Variants in PPIL1 observed in about 807,000 individuals in gnomAD.
PPIL1 encodes the protein peptidylprolyl isomerase like 1.
Under a neutral mutation model 19.4 loss-of-function variants are expected in PPIL1, and 14 were observed. The observed-to-expected ratio is 0.72, with a 90% confidence interval of 0.48 to 1.13. The LOEUF is 1.13. PPIL1 is among the 50% of genes most tolerant of loss of function. PPIL1 has a pLI of 0.00. For synonymous variants in PPIL1, 72 were observed against 73.6 expected (o/e 0.98, Z 0.11); for missense variants, 192 against 218.0 (o/e 0.88, Z 0.75).
chr6:36,872,152 G>GTA (rs1046353261), intron 1 of PPIL1, among the ~76,000 whole-genome samples: 32 of 151,322 alleles, frequency 2.1e-4, no homozygotes, highest in African/African-American at 3.9e-4. Context: ...ATATACATAT[G>GTA]TATATATATA....
At position 36,855,774 on chromosome 6, in the gene PPIL1, G is replaced by A. The variant is rs751632638; in HGVS notation, c.*39C>T. The A allele has an allele frequency of 6.9e-6, 11 of 1,591,564 alleles. No homozygotes were observed. Among genetic ancestry groups the A allele is most frequent in the Non-Finnish European group, 6.9e-6 (8 of 1,159,892 alleles). ...TATGTCATCTAGAAGCTGGTTCACT[G>A]GGGCCATCTCAGAAGAGCTGCTCAA... On this transcript the variant is annotated 3_prime_UTR_variant, in exon 4 of 4. Coordinates refer to ENST00000373699, the MANE Select transcript of PPIL1 (RefSeq NM_016059.5).
intron 2 of PPIL1, among the ~76,000 whole-genome samples, chr6:36,870,746 G>A (rs1026519916): frequency 2.0e-5 from 3 of 151,948 alleles, no homozygotes; most frequent in Admixed American, 2.0e-4. Flanking sequence ...TCAGCCTCCC[G>A]ACTAAGAACC....
chr6:36,870,251 GAGA>G (rs1341696259), intron 2 of PPIL1, among the ~76,000 whole-genome samples: 2 of 152,188 alleles, frequency 1.3e-5, no homozygotes, highest in African/African-American at 4.8e-5. Context: ...GAAATTAGCA[GAGA>G]AGAAGCAGAC....
chr6:36,858,206 C>G lies in PPIL1; in HGVS notation c.212-1552G>C, dbSNP rs1448020869. Among the ~76,000 whole-genome samples, 8 of 138,040 alleles carry G rather than the reference C, an allele frequency of 5.8e-5. No individual in the cohort carries two copies. In the Admixed American group the frequency reaches 6.4e-4, roughly 11 times the overall value. The allele number at this position is 138,040 out of a possible 152,430, so 90.6% of individuals were successfully genotyped here. ...CCGAGATCATGCCATTGCACTCCAG[C>G]CTGGGCGACAGAGCAAGACTGTCTC... On this transcript the variant is annotated intron_variant, in intron 2 of 3. Transcript: ENST00000373699.
At chr6:36,866,107 A>T (rs1362391221) in intron 2 of PPIL1, among the ~76,000 whole-genome samples, 2 of 152,250 alleles carry the variant, frequency 1.3e-5, no homozygotes, top group Non-Finnish European at 2.9e-5. Context: ...TATGTCTTAC[A>T]GAGAGGACAG....
chr6:36,862,403 C>G (rs1270247412), intron 2 of PPIL1, among the ~76,000 whole-genome samples: 4 of 152,246 alleles, frequency 2.6e-5, no homozygotes, highest in African/African-American at 4.8e-5. Context: ...AAGGCAGGTG[C>G]TGACAAGTCC....
At chr6:36,868,630 G>A (rs1774440299) in intron 2 of PPIL1, among the ~76,000 whole-genome samples, 1 of 152,174 alleles carries the variant, frequency 6.6e-6, no homozygotes, top group Admixed American at 6.5e-5. Context: ...TTAGGCCCAG[G>A]AGTTTGAGAC....
chr6:36,874,129 A>G (rs1337687765), intron 1 of PPIL1, among the ~76,000 whole-genome samples: 1 of 152,188 alleles, frequency 6.6e-6, no homozygotes, highest in South Asian at 2.1e-4. Flanking sequence ...TCCTCCTGCT[A>G]ATATTGAAAG....
At chr6:36,860,274 T>A (rs1179742758) in intron 2 of PPIL1, among the ~76,000 whole-genome samples, 2 of 151,950 alleles carry the variant, frequency 1.3e-5, no homozygotes, top group African/African-American at 4.8e-5. Context: ...GAGACCAGCC[T>A]AAGCAACATG....
chr6:36,856,729 T>C, intron 2 of PPIL1, 75 bp from the exon 3 acceptor site: 7 of 1,368,412 alleles, frequency 5.1e-6, no homozygotes, highest in Non-Finnish European at 7.3e-6. Flanking sequence ...TGGCCCAGGG[T>C]CAAAGGATTT....
intron 2 of PPIL1, among the ~76,000 whole-genome samples, chr6:36,859,845 T>TGTGTGTGTGTGTGTGTG (rs1424096492): frequency 9.8e-6 from 1 of 102,088 alleles, no homozygotes; most frequent in East Asian, 3.3e-4. Context: ...GTGTGTGTGT[T>TGTGTGTGTGTGTGTGTG]TTGAGACAGA....
rs139829131 is a variant in PPIL1 at position 36,859,752 on chromosome 6, T to C, written c.212-3098A>G. 3.4e-4 allele frequency among the ~76,000 whole-genome samples: 51 copies of C among 152,032 alleles called. 1 individual carries two copies. Among genetic ancestry groups the C allele is most frequent in the Middle Eastern group, 3.4e-3 (1 of 294 alleles). On this transcript the variant is annotated intron_variant, in intron 2 of 3. Coordinates refer to ENST00000373699, the MANE Select transcript of PPIL1 (RefSeq NM_016059.5). ...TAGAAAGCCAACAATTTGGAAGCTT[T>C]GCAGGTTCTGTGCCTGGTCTAGCAC...
chr6:36,871,166 C>T (rs1774501374), intron 2 of PPIL1, among the ~76,000 whole-genome samples: 1 of 152,196 alleles, frequency 6.6e-6, no homozygotes, highest in Non-Finnish European at 1.5e-5. Context: ...CAGATCTCTT[C>T]TCCAATAATG....
At chr6:36,871,974 C>A (rs1490793950) in intron 1 of PPIL1, 102 bp from the exon 2 acceptor site, 2 of 1,123,782 alleles carry the variant, frequency 1.8e-6, no homozygotes, top group East Asian at 6.2e-5. Flanking sequence ...GCTTGTAAGT[C>A]ATGAAATTGT....
At chr6:36,874,603 C>T in intron 1 of PPIL1, 114 bp downstream of exon 1, 1 of 1,390,148 alleles carries the variant, frequency 7.2e-7, no homozygotes, top group Non-Finnish European at 1.0e-6. Context: ...CGCTGCTCCA[C>T]GCCCCTCCAC....
chr6:36,858,007 A>T (rs1774202193), intron 2 of PPIL1, among the ~76,000 whole-genome samples: 2 of 152,028 alleles, frequency 1.3e-5, no homozygotes, highest in South Asian at 4.1e-4. Flanking sequence ...AGGCAGGTGG[A>T]TCACGAGGTC....
Position 36,859,211 on chromosome 6 carries a change from G to A in PPIL1, c.212-2557C>T, listed in dbSNP as rs147458540. Among the ~76,000 whole-genome samples, 700 of 152,220 alleles carry A rather than the reference G, an allele frequency of 4.6e-3. 11 individuals carry two copies. The highest frequency in any genetic ancestry group is 0.016 in the African/African-American group (656 of 41,522). On this transcript the variant is annotated intron_variant, in intron 2 of 3. Coordinates refer to ENST00000373699, the MANE Select transcript of PPIL1 (RefSeq NM_016059.5). ...GGAGGCCGAGGCAGGCAGATCATGA[G>A]GTCAGGAGTTTGAGACCAGCCTGAC...
chr6:36,861,679 TG>T lies in PPIL1; in HGVS notation c.212-5026del, dbSNP rs766090107. On this transcript the variant is annotated intron_variant, in intron 2 of 3. Transcript: ENST00000373699. ...TCTTAACCTTCTTCTTTATGATCTG[TG>T]TTTTTTTTTTTTTTTAATTCCTTTT... 8.6e-3 allele frequency among the ~76,000 whole-genome samples: 1,066 copies of T among 123,338 alleles called. 3 individuals are homozygous for T. The highest frequency in any genetic ancestry group is 0.028 in the South Asian group (107 of 3,842). 80.9% of individuals were successfully genotyped at this position (123,338 alleles called of 152,430 possible).
chr6:36,858,731 TA>T (rs1457199459), intron 2 of PPIL1: 1 of 152,284 alleles, frequency 6.6e-6, no homozygotes, highest in Non-Finnish European at 1.5e-5. Flanking sequence ...TGAACCACAC[TA>T]AACTGTGTAA....
Sources: allele counts gnomAD v4.1 joint callset (sites outside exome capture counted in the v4.1 genomes callset), GRCh38; gene constraint gnomAD v4.1.1; transcripts MANE v1.5; gene names NCBI Gene and HGNC (gene_info 2026-07-23, HGNC 2026-07-21).